Variants in DOCK4 observed in about 807,000 individuals in gnomAD.
DOCK4 encodes dedicator of cytokinesis 4, also known as dedicator of cytokinesis protein 4.
In DOCK4, 97 loss-of-function variants were observed where a neutral mutation model predicts 268.1. The observed-to-expected ratio is 0.36, with a 90% CI of 0.31 to 0.43. The LOEUF is 0.43. Among genes scored for constraint, DOCK4 ranks in the 20% least tolerant of loss-of-function variants. The pLI is 1.00. For missense variants in DOCK4, 2,145 were observed against 2,455.7 expected, an observed-to-expected ratio of 0.87 and a Z score of 2.67; for synonymous variants, 954 against 887.2, an observed-to-expected ratio of 1.08 and a Z score of -1.34.
intron 26 of DOCK4, among the ~76,000 whole-genome samples, chr7:111,825,484 T>C (rs1222743622): frequency 2.6e-5 from 4 of 152,050 alleles, no homozygotes; most frequent in Admixed American, 1.3e-4. Flanking sequence ...CATAGATAGA[T>C]GTGGTTATTT....
chr7:112,066,684 CATATACATATAT>C (rs1807037629), intron 1 of DOCK4, among the ~76,000 whole-genome samples: 53 of 46,076 alleles, frequency 1.2e-3, no homozygotes, highest in African/African-American at 2.6e-3. Flanking sequence ...TACATATATA[CATATACATATAT>C]ATATATATAT....
chr7:111,902,836 C>T (rs1442453105), intron 13 of DOCK4, among the ~76,000 whole-genome samples: 1 of 151,866 alleles, frequency 6.6e-6, no homozygotes, highest in Non-Finnish European at 1.5e-5. Flanking sequence ...GAGGTGGGAT[C>T]TTGGCTCACT....
chr7:111,836,810 G>A (rs1419356926), intron 25 of DOCK4, among the ~76,000 whole-genome samples: 5 of 151,948 alleles, frequency 3.3e-5, no homozygotes, highest in African/African-American at 1.2e-4. Context: ...GAAAGGTAGG[G>A]CAGTAGAAAT....
At chr7:111,874,203 C>T (rs1430387832) in intron 17 of DOCK4, among the ~76,000 whole-genome samples, 1 of 152,126 alleles carries the variant, frequency 6.6e-6, no homozygotes, top group Non-Finnish European at 1.5e-5. Context: ...CTCCTCACTT[C>T]CCACTCCACC....
chr7:112,157,825 T>G (rs1327511995), intron 1 of DOCK4, among the ~76,000 whole-genome samples: 2 of 152,132 alleles, frequency 1.3e-5, no homozygotes, highest in Non-Finnish European at 2.9e-5. Flanking sequence ...GAAAACACCT[T>G]GCAAGCCATC....
chr7:112,014,868 G>A (rs1443484071), intron 1 of DOCK4, among the ~76,000 whole-genome samples: 1 of 152,086 alleles, frequency 6.6e-6, no homozygotes, highest in Non-Finnish European at 1.5e-5. Context: ...TCACACCACT[G>A]CACTCCGGCC....
At chr7:112,024,589 T>C (rs968126807) in intron 1 of DOCK4, among the ~76,000 whole-genome samples, 1 of 152,150 alleles carries the variant, frequency 6.6e-6, no homozygotes, top group African/African-American at 2.4e-5. Context: ...TTCTTGCCCC[T>C]TGCACCAAAG....
intron 26 of DOCK4, among the ~76,000 whole-genome samples, chr7:111,826,321 T>C (rs546616452): frequency 6.6e-6 from 1 of 152,338 alleles, no homozygotes; most frequent in Admixed American, 6.5e-5. Flanking sequence ...ACATATTTCA[T>C]AACTTTTTCC....
intron 12 of DOCK4, among the ~76,000 whole-genome samples, chr7:111,924,817 C>G (rs1163829960): frequency 6.6e-6 from 1 of 152,090 alleles, no homozygotes; most frequent in Non-Finnish European, 1.5e-5. Flanking sequence ...CGATTTTCAT[C>G]AATAATGGTT....
In DOCK4 at chr7:111,945,737, G is replaced by A. The variant is rs1795566085; in HGVS notation, c.763C>T (p.Arg255Ter). The change falls in exon 9 of 53, where the codon CGA becomes TGA. Residue 255 changes from arginine (R) to a stop codon, truncating the protein, a stop_gained. Coordinates refer to ENST00000428084, the MANE Select transcript of DOCK4 (RefSeq NM_001363540.2). LOFTEE classifies it high-confidence loss of function. ...GLPKAPDKPE[R>*]HCSLFVDLGS... ...CTCACCACAAAGAGGGAGCAATGTCGTTCCGGTTTATCAGGGGCTTTGGGA... is the reference window on the plus strand; with the variant it reads ...CTCACCACAAAGAGGGAGCAATGTCATTCCGGTTTATCAGGGGCTTTGGGA... 1.3e-6 allele frequency: 2 copies of A among 1,598,066 alleles called. No individual in the cohort carries two copies. Among genetic ancestry groups the A allele is most frequent in the Admixed American group, 1.7e-5 (1 of 58,028 alleles).
At position 112,044,904 on chromosome 7, in the gene DOCK4, C is replaced by T. The variant is rs143989858; in HGVS notation, c.38-40773G>A. Among the ~76,000 whole-genome samples, 5 of 152,290 alleles carry T rather than the reference C, an allele frequency of 3.3e-5. No homozygotes were observed. In the South Asian group the frequency reaches 1.0e-3, roughly 32 times the overall value. The stretch of plus-strand genomic sequence containing the variant: ...TATTGCTACAGTTTCTAACTCTTCC[C>T]AGCCCTCAGACCATGAGCCTCTTCC... On this transcript the variant is annotated intron_variant, in intron 1 of 52. Transcript: ENST00000428084.
At chr7:112,089,352 C>T (rs1286131228) in intron 1 of DOCK4, among the ~76,000 whole-genome samples, 2 of 152,052 alleles carry the variant, frequency 1.3e-5, no homozygotes, top group African/African-American at 2.4e-5. Context: ...GTACTTTGCC[C>T]TGTTGACACT....
chr7:111,801,140 C>G (rs2133857191), intron 30 of DOCK4, among the ~76,000 whole-genome samples: 1 of 152,306 alleles, frequency 6.6e-6, no homozygotes, highest in East Asian at 1.9e-4. Flanking sequence ...CCGGATAACA[C>G]CATGTGTTCA....
Position 111,804,491 on chromosome 7 carries a change from A to G in DOCK4, c.3166+4330T>C, listed in dbSNP as rs543972668. On this transcript the variant is annotated intron_variant, in intron 30 of 52. Transcript: ENST00000428084. Reference sequence around the variant, plus strand: ...ATAGAGTTTCAGCTTCACAAGATGAAAAGAGTTCTAGAGATGGATGGTGGT... The same window carrying G: ...ATAGAGTTTCAGCTTCACAAGATGAGAAGAGTTCTAGAGATGGATGGTGGT... Among the ~76,000 whole-genome samples, 9 of 151,604 alleles carry G rather than the reference A, an allele frequency of 5.9e-5. No individual in the cohort carries two copies. In the South Asian group the frequency reaches 1.9e-3, roughly 31 times the overall value.
At chr7:111,838,991 G>C (rs1253979423) in intron 25 of DOCK4, among the ~76,000 whole-genome samples, 3 of 152,098 alleles carry the variant, frequency 2.0e-5, no homozygotes, top group African/African-American at 4.8e-5. Context: ...GGCCTTGTTG[G>C]GTAGACACAA....
intron 1 of DOCK4, among the ~76,000 whole-genome samples, chr7:112,096,333 A>AT (rs553165431): frequency 6.6e-6 from 1 of 151,884 alleles, no homozygotes; most frequent in African/African-American, 2.4e-5. Flanking sequence ...TGCTCGTCTA[A>AT]TTTTTTTATT....
Position 111,741,199 on chromosome 7 carries a change from T to C in DOCK4, c.4935A>G (p.Pro1645=), listed in dbSNP as rs769602671. 2 of 1,613,882 alleles carry C rather than the reference T, an allele frequency of 1.2e-6. No individual in the cohort carries two copies. The highest frequency in any genetic ancestry group is 2.2e-5 in the East Asian group (1 of 44,866). ...VIPRRSPLSY[P]AVNRYSSSSL... ...AGGAGGAAGAATATCGGTTGACAGC[T>C]GGGTAACTTAACGGGCTGTTTCAGG... Residue 1645 remains proline (P), a synonymous_variant, in exon 47 of 53, where the codon CCA becomes CCG. Coordinates refer to ENST00000428084, the MANE Select transcript of DOCK4 (RefSeq NM_001363540.2).
intron 1 of DOCK4, among the ~76,000 whole-genome samples, chr7:112,076,672 A>C (rs1808095190): frequency 6.6e-6 from 1 of 152,146 alleles, no homozygotes; most frequent in East Asian, 1.9e-4. Context: ...AATGAGTCCT[A>C]AATTCCATAT....
intron 1 of DOCK4, among the ~76,000 whole-genome samples, chr7:112,166,420 C>T (rs1460445873): frequency 1.3e-5 from 2 of 152,156 alleles, no homozygotes; most frequent in African/African-American, 2.4e-5. Context: ...CCAAAAGATT[C>T]CTCCTGTCCA....
Sources: allele counts gnomAD v4.1 joint callset (sites outside exome capture counted in the v4.1 genomes callset), GRCh38; gene constraint gnomAD v4.1.1; transcripts MANE v1.5; gene names NCBI Gene and HGNC (gene_info 2026-07-23, HGNC 2026-07-21).